OPCML: variants seen among roughly 807,000 people sequenced by gnomAD.
OPCML encodes the protein opioid-binding protein/cell adhesion molecule.
OPCML carries 13 observed loss-of-function variants against 37.8 expected under a neutral mutation model. The observed-to-expected ratio is 0.34, with a 90% CI of 0.22 to 0.55. The LOEUF (loss-of-function observed/expected upper bound fraction) is 0.55, where lower values mean the gene tolerates loss of function less well. OPCML is among the 20% of genes least tolerant of loss of function. OPCML has a pLI of 0.91. For synonymous variants in OPCML, 176 were observed against 168.8 expected (o/e 1.04, Z -0.33); for missense variants, 341 against 435.6 (o/e 0.78, Z 1.93).
At chr11:133,479,096 C>T (rs1415997667) in intron 1 of OPCML, among the ~76,000 whole-genome samples, 1 of 152,182 alleles carries the variant, frequency 6.6e-6, no homozygotes, top group East Asian at 1.9e-4. Context: ...GCGTTTAGCA[C>T]AATTCTTGGC....
chr11:132,683,394 G>A (rs1943035624), intron 2 of OPCML, among the ~76,000 whole-genome samples: 1 of 152,076 alleles, frequency 6.6e-6, no homozygotes. Context: ...AAAAGCAAAA[G>A]TTGACAGGTG....
In OPCML at chr11:132,745,240, C is replaced by T. The variant is rs116951636; in HGVS notation, c.147-87921G>A. Among the ~76,000 whole-genome samples the T allele has an allele frequency of 2.6e-4, 40 of 152,212 alleles. No individual in the cohort carries two copies. In the East Asian group the frequency reaches 7.0e-3, roughly 27 times the overall value. Reference sequence around the variant, plus strand: ...TGAACCTGTGGTTCAGCATGCCAGCCGCTTCTTTCCAACTACCCAAAAAGA... The same window carrying T: ...TGAACCTGTGGTTCAGCATGCCAGCTGCTTCTTTCCAACTACCCAAAAAGA... On this transcript the variant is annotated intron_variant, in intron 2 of 7. Coordinates refer to ENST00000524381, the MANE Select transcript of OPCML (RefSeq NM_001012393.5).
intron 1 of OPCML, chr11:133,421,782 A>G: frequency 5.1e-6 from 5 of 985,354 alleles, no homozygotes; most frequent in Non-Finnish European, 4.8e-6. Context: ...TCTGGATATC[A>G]ATTGCTTTCG....
At chr11:132,432,113 A>C (rs2095999100) in intron 7 of OPCML, among the ~76,000 whole-genome samples, 1 of 152,214 alleles carries the variant, frequency 6.6e-6, no homozygotes, top group Non-Finnish European at 1.5e-5. Context: ...ATATAGCCTC[A>C]AATCCCAGCA....
At chr11:132,820,953 T>A (rs1395854800) in intron 2 of OPCML, among the ~76,000 whole-genome samples, 2 of 152,122 alleles carry the variant, frequency 1.3e-5, no homozygotes, top group African/African-American at 4.8e-5. Context: ...TCATACAGCA[T>A]TAGGCATCAA....
At chr11:132,876,311 A>G (rs1394043057) in intron 2 of OPCML, among the ~76,000 whole-genome samples, 2 of 152,208 alleles carry the variant, frequency 1.3e-5, no homozygotes, top group African/African-American at 2.4e-5. Context: ...TTCCATGCAC[A>G]ACCTCTGAAG....
At chr11:132,675,886 G>A (rs1942679954) in intron 2 of OPCML, among the ~76,000 whole-genome samples, 2 of 152,052 alleles carry the variant, frequency 1.3e-5, no homozygotes, top group African/African-American at 2.4e-5. Context: ...CTACAGAGTC[G>A]ATGCAGTCTT....
chr11:133,081,080 G>A (rs983152731), intron 1 of OPCML, among the ~76,000 whole-genome samples: 1 of 152,162 alleles, frequency 6.6e-6, no homozygotes, highest in Admixed American at 6.5e-5. Context: ...ACCCGAAGCC[G>A]AGATAATCAA....
chr11:133,191,405 T>C (rs1338153223), intron 1 of OPCML, among the ~76,000 whole-genome samples: 1 of 152,214 alleles, frequency 6.6e-6, no homozygotes, highest in African/African-American at 2.4e-5. Context: ...ATGTTCAATG[T>C]ATATTTCAAC....
chr11:133,367,086 C>A (rs992677301), intron 1 of OPCML, among the ~76,000 whole-genome samples: 1 of 152,164 alleles, frequency 6.6e-6, no homozygotes, highest in Non-Finnish European at 1.5e-5. Context: ...TCAAGTGATT[C>A]TCCTGCCTAA....
intron 1 of OPCML, among the ~76,000 whole-genome samples, chr11:133,412,504 C>G (rs1314032470): frequency 1.3e-5 from 2 of 152,200 alleles, no homozygotes; most frequent in Non-Finnish European, 2.9e-5. Context: ...TAGTCCTCAT[C>G]ATCAACCTCA....
intron 1 of OPCML, among the ~76,000 whole-genome samples, chr11:133,201,809 G>A (rs986696608): frequency 6.6e-6 from 1 of 152,206 alleles, no homozygotes; most frequent in African/African-American, 2.4e-5. Context: ...AATAGGGTTG[G>A]AGGTCTCTGC....
chr11:133,390,161 TTAAGAGG>T (rs1320657267), intron 1 of OPCML, among the ~76,000 whole-genome samples: 1 of 152,144 alleles, frequency 6.6e-6, no homozygotes. Context: ...TTACCTAACG[TTAAGAGG>T]TAGCTACAGG....
At chr11:133,041,461 C>A (rs1283310256) in intron 1 of OPCML, among the ~76,000 whole-genome samples, 1 of 152,296 alleles carries the variant, frequency 6.6e-6, no homozygotes, top group African/African-American at 2.4e-5. Context: ...TCTGCAGTCT[C>A]TCTGCACTTG....
intron 3 of OPCML, among the ~76,000 whole-genome samples, chr11:132,647,537 G>A (rs1336108440): frequency 1.3e-5 from 2 of 152,106 alleles, no homozygotes; most frequent in Admixed American, 6.5e-5. Context: ...ATTATATACT[G>A]TATTCATATA....
intron 2 of OPCML, among the ~76,000 whole-genome samples, chr11:132,748,748 A>C (rs529581333): frequency 2.0e-5 from 3 of 152,254 alleles, no homozygotes; most frequent in African/African-American, 4.8e-5. Flanking sequence ...CCTAGGTCCT[A>C]ACAAGATTGC....
At chr11:133,425,527 C>T (rs1945984325) in intron 1 of OPCML, among the ~76,000 whole-genome samples, 1 of 152,190 alleles carries the variant, frequency 6.6e-6, no homozygotes, top group Admixed American at 6.5e-5. Flanking sequence ...CCAAATGTTA[C>T]ATCTTTAGAA....
intron 4 of OPCML, among the ~76,000 whole-genome samples, chr11:132,485,793 A>T (rs1176855784): frequency 6.6e-6 from 1 of 152,178 alleles, no homozygotes; most frequent in Non-Finnish European, 1.5e-5. Context: ...TGTGTACCCA[A>T]TCTTCCAATG....
intron 3 of OPCML, chr11:132,529,391 G>A (rs1278204646): frequency 5.4e-6 from 1 of 184,692 alleles, no homozygotes; most frequent in Non-Finnish European, 1.0e-5. Flanking sequence ...TTATACCTTG[G>A]CGATAGCAGG....
Sources: allele counts gnomAD v4.1 joint callset (sites outside exome capture counted in the v4.1 genomes callset), GRCh38; gene constraint gnomAD v4.1.1; transcripts MANE v1.5; gene names NCBI Gene and HGNC (gene_info 2026-07-23, HGNC 2026-07-21).